RNF4: variants seen among roughly 807,000 people sequenced by gnomAD.
The protein encoded by RNF4 is E3 ubiquitin-protein ligase RNF4.
RNF4 carries 7 observed loss-of-function variants against 24.3 expected under a neutral mutation model. The observed-to-expected ratio is 0.29, with a 90% CI of 0.16 to 0.54. RNF4 has a LOEUF of 0.54. Ranked by LOEUF, RNF4 falls within the 20% of genes least tolerant of loss-of-function variation. The pLI is 0.95. For synonymous variants in RNF4, 83 were observed against 84.3 expected, an observed-to-expected ratio of 0.98 and a Z score of 0.09; for missense variants, 209 against 248.5, an observed-to-expected ratio of 0.84 and a Z score of 1.07.
At position 2,512,606 on chromosome 4, in the gene RNF4, G is replaced by T; in HGVS notation, c.374+9G>T. ...GGCGCTACAGGCCTCAGGTACCAAC[G>T]TGCCCCCAGCTCTGCTGCCGCCATG... On this transcript the variant is annotated intron_variant, in intron 6 of 7. Transcript: ENST00000314289. The surrounding 1 kb of genome is among the most constrained non-coding windows in gnomAD (Gnocchi z 4.1). The T allele has an allele frequency of 3.1e-6, 5 of 1,613,298 alleles. No individual in the cohort carries two copies. In the Middle Eastern group the frequency reaches 5.0e-4, roughly 160 times the overall value.
chr4:2,513,828 G>C lies in RNF4; in HGVS notation c.*9G>C. ...ACCCCATTTATATATGAAGTATTCA[G>C]AGCCCCCCAGGAGAGACGGATGGAC... is the stretch of plus-strand genomic sequence containing the variant. On this transcript the variant is annotated 3_prime_UTR_variant, in exon 8 of 8. Coordinates refer to ENST00000314289, the MANE Select transcript of RNF4 (RefSeq NM_002938.5). 6.2e-7 allele frequency: 1 copy of C among 1,613,836 alleles called. No homozygotes were observed. The highest frequency in any genetic ancestry group is 8.5e-7 in the Non-Finnish European group (1 of 1,179,882).
At chr4:2,502,102 A>AATTTGGTATAT (rs1735929065) in intron 4 of RNF4, among the ~76,000 whole-genome samples, 1 of 152,244 alleles carries the variant, frequency 6.6e-6, no homozygotes. Context: ...GCTGGCAGCT[A>AATTTGGTATAT]CAGCACAGTC....
chr4:2,472,948 G>A (rs1734951743), intron 1 of RNF4, among the ~76,000 whole-genome samples: 2 of 151,992 alleles, frequency 1.3e-5, no homozygotes, highest in Non-Finnish European at 2.9e-5. Flanking sequence ...GCTGAGGCAG[G>A]AGAATGGTGT....
Position 2,512,651 on chromosome 4 carries a change from C to T in RNF4, c.374+54C>T, listed in dbSNP as rs73078319. ...GCCATGCTAGGATGTGGGGCCAGGG[C>T]ATGGGAATACTTTTCAGCAAATCTG... On this transcript the variant is annotated intron_variant, in intron 6 of 7. Transcript: ENST00000314289. The surrounding 1 kb of genome is among the most constrained non-coding windows in gnomAD (Gnocchi z 4.1). 0.012 allele frequency: 18,295 copies of T among 1,588,252 alleles called. 1,805 individuals are homozygous for T. In the African/African-American group the frequency reaches 0.22, roughly 19 times the overall value.
chr4:2,511,824 G>T, intron 4 of RNF4, 132 bp from the exon 5 acceptor site: 1 of 853,008 alleles, frequency 1.2e-6, no homozygotes, highest in Non-Finnish European at 1.9e-6. Flanking sequence ...TGGGAGGAGG[G>T]TGGGGCCTCT....
intron 1 of RNF4, among the ~76,000 whole-genome samples, chr4:2,478,798 G>A (rs1735161133): frequency 6.6e-6 from 1 of 152,262 alleles, no homozygotes; most frequent in African/African-American, 2.4e-5. Context: ...GAAGGGAAAT[G>A]TGGGGTTGGA....
intron 2 of RNF4, among the ~76,000 whole-genome samples, chr4:2,492,422 A>G (rs1052498108): frequency 1.8e-4 from 28 of 152,258 alleles, no homozygotes; most frequent in African/African-American, 6.5e-4. Flanking sequence ...GATTACCTGA[A>G]GGTCCCCCTG....
Position 2,500,632 on chromosome 4 carries a change from T to A in RNF4, c.125-27T>A, listed in dbSNP as rs746864045. 5.6e-6 allele frequency: 9 copies of A among 1,610,746 alleles called. No homozygotes were observed. The Admixed American group carries it at 1.5e-4, about 27-fold the overall frequency. Reference sequence around the variant, plus strand: ...AACCTTACTTTCCTCTTAATCTTAATGCTTGTTGAAATACTTTCTTTTGAA... The same window carrying A: ...AACCTTACTTTCCTCTTAATCTTAAAGCTTGTTGAAATACTTTCTTTTGAA... On this transcript the variant is annotated intron_variant, in intron 3 of 7. Transcript: ENST00000314289.
chr4:2,478,994 G>A (rs149890125), intron 1 of RNF4, among the ~76,000 whole-genome samples: 1,544 of 152,362 alleles, frequency 0.01, 28 homozygotes, highest in African/African-American at 0.036. Flanking sequence ...AAAGCCACAG[G>A]GGTGGAGCTG....
intron 1 of RNF4, chr4:2,469,738 T>A (rs1734835707): frequency 6.6e-6 from 1 of 152,078 alleles, no homozygotes; most frequent in Non-Finnish European, 1.5e-5. Flanking sequence ...CTTTTGTAGG[T>A]CGGGAGGATC....
intron 1 of RNF4, among the ~76,000 whole-genome samples, chr4:2,488,059 C>T (rs147049394): frequency 6.6e-6 from 1 of 152,324 alleles, no homozygotes; most frequent in East Asian, 1.9e-4. Flanking sequence ...ACCCTCCTCA[C>T]CCTTCTCCCC....
In RNF4 at chr4:2,512,896, C is replaced by G. The variant is rs1268446171; in HGVS notation, c.375-187C>G. Among the ~76,000 whole-genome samples, 1 of 152,174 alleles carries G rather than the reference C, an allele frequency of 6.6e-6. No homozygotes were observed. On this transcript the variant is annotated intron_variant, in intron 6 of 7. Transcript: ENST00000314289. The surrounding 1 kb of genome is among the most constrained non-coding windows in gnomAD (Gnocchi z 4.1). ...GTGACTCAGGTTGTGTGCACCTTCT[C>G]ATGTTCACCCTCCCACATGCCCTTG...
intron 1 of RNF4, among the ~76,000 whole-genome samples, chr4:2,482,162 A>G (rs573677445): frequency 5.9e-5 from 9 of 152,294 alleles, no homozygotes; most frequent in African/African-American, 2.2e-4. Context: ...GTGCTGTTTG[A>G]GATTAGGCCC....
chr4:2,512,717 C>T lies in RNF4; in HGVS notation c.374+120C>T. 5 of 1,167,218 alleles carry T rather than the reference C, an allele frequency of 4.3e-6. No homozygotes were observed. The highest frequency in any genetic ancestry group is 6.0e-6 in the Non-Finnish European group (5 of 838,834). 72.3% of individuals were successfully genotyped at this position (1,167,218 alleles called of 1,614,324 possible). ...GGAAGGGCTTGCCCAAGCCTCTACCCAGCATCTGGATACAGTTGGAACTGG... is the reference window on the plus strand; with the variant it reads ...GGAAGGGCTTGCCCAAGCCTCTACCTAGCATCTGGATACAGTTGGAACTGG... On this transcript the variant is annotated intron_variant, in intron 6 of 7. Transcript: ENST00000314289. This position sits in a 1 kb window ranked among gnomAD's most constrained non-coding sequence, Gnocchi z 4.1.
At position 2,479,414 on chromosome 4, in the gene RNF4, A is replaced by T. The variant is rs139002127; in HGVS notation, c.-158+10156A>T. ...ATGATATGGTTTGGCTGTGTCCCCC[A>T]CCCAGATCTCATCTTGAATTTCCAC... On this transcript the variant is annotated intron_variant, in intron 1 of 7. Coordinates refer to ENST00000314289, the MANE Select transcript of RNF4 (RefSeq NM_002938.5). Among the ~76,000 whole-genome samples, 736 of 152,216 alleles carry T rather than the reference A, an allele frequency of 4.8e-3. 8 individuals are homozygous for T. Among genetic ancestry groups the T allele is most frequent in the African/African-American group, 0.017 (698 of 41,532 alleles).
intron 2 of RNF4, among the ~76,000 whole-genome samples, chr4:2,495,040 T>C (rs1260552886): frequency 6.6e-6 from 1 of 152,202 alleles, no homozygotes; most frequent in Non-Finnish European, 1.5e-5. Context: ...TGGTGGCTGC[T>C]GGGGAAACCC....
chr4:2,513,100 G>T lies in RNF4; in HGVS notation c.392G>T (p.Ser131Ile), dbSNP rs1469716199. 1.2e-6 allele frequency: 2 copies of T among 1,613,950 alleles called. No homozygotes were observed. The highest frequency in any genetic ancestry group is 1.7e-6 in the Non-Finnish European group (2 of 1,179,818). The change falls in exon 7 of 8, where the codon AGT (serine) becomes ATT (isoleucine). Residue 131 changes from serine to isoleucine, a missense_variant. Physicochemically the swap from Ser to Ile is moderately radical, Grantham distance 142. Coordinates refer to ENST00000314289, the MANE Select transcript of RNF4 (RefSeq NM_002938.5). Reference sequence around the variant, plus strand: ...GCTCTTAGGCCCTCAGGTACTGTCAGTTGTCCCATCTGCATGGACGGATAC... The same window carrying T: ...GCTCTTAGGCCCTCAGGTACTGTCATTTGTCCCATCTGCATGGACGGATAC... Reference protein sequence around the residue: ...ATGLRPSGTVSCPICMDGYSE... With the variant: ...ATGLRPSGTVICPICMDGYSE...
At chr4:2,498,544 A>G (rs1735806660) in intron 3 of RNF4, among the ~76,000 whole-genome samples, 2 of 152,322 alleles carry the variant, frequency 1.3e-5, no homozygotes, top group African/African-American at 2.4e-5. Flanking sequence ...GAATGGTTCA[A>G]TAAATTGTTG....
intron 1 of RNF4, among the ~76,000 whole-genome samples, chr4:2,474,401 G>A (rs1203815005): frequency 1.4e-5 from 2 of 142,896 alleles, no homozygotes; most frequent in South Asian, 2.2e-4. Context: ...AAAAAAAAAA[G>A]TAGAACCTGA....
Sources: allele counts gnomAD v4.1 joint callset (sites outside exome capture counted in the v4.1 genomes callset), GRCh38; gene constraint gnomAD v4.1.1; non-coding constraint Gnocchi (gnomAD v3.1); transcripts MANE v1.5; gene names NCBI Gene and HGNC (gene_info 2026-07-23, HGNC 2026-07-21).